The following THSD4 variants were observed in gnomAD, a reference collection of about 807,000 sequenced individuals.
The protein encoded by THSD4 is thrombospondin type 1 domain containing 4.
Under a neutral mutation model 119.0 loss-of-function variants are expected in THSD4, and 69 were observed. The observed-to-expected ratio is 0.58, with a 90% CI of 0.48 to 0.71. THSD4 has a LOEUF of 0.71. THSD4 is among the 30% of genes least tolerant of loss of function. The pLI, the probability that THSD4 is intolerant of heterozygous loss-of-function variation, is 0.00. For missense variants in THSD4, 1,393 were observed against 1,391.1 expected (o/e 1.00, Z -0.02); for synonymous variants, 524 against 540.4 (o/e 0.97, Z 0.42).
At chr15:71,339,689 A>G (rs1330113883) in intron 6 of THSD4, among the ~76,000 whole-genome samples, 8 of 152,160 alleles carry the variant, frequency 5.3e-5, no homozygotes. Flanking sequence ...TTGGAATAAT[A>G]AAAGTAACTA....
chr15:71,379,598 A>C (rs543437356), intron 6 of THSD4, among the ~76,000 whole-genome samples: 4 of 151,400 alleles, frequency 2.6e-5, no homozygotes, highest in African/African-American at 9.7e-5. Context: ...AGCTGGGACT[A>C]CAGGTGCCCA....
In THSD4 at chr15:71,694,487, G is replaced by A. The variant is rs989945893; in HGVS notation, c.1357+33753G>A. The stretch of plus-strand genomic sequence containing the variant: ...TTTCCTTCCAGTTGTGCAGCAAGTT[G>A]CCTGGCAATTTAACTTTTCATTTCT... On this transcript the variant is annotated intron_variant, in intron 8 of 17. Transcript: ENST00000261862. 2.7e-4 allele frequency among the ~76,000 whole-genome samples: 41 copies of A among 152,246 alleles called. 1 individual carries two copies. Among genetic ancestry groups the A allele is most frequent in the African/African-American group, 9.1e-4 (38 of 41,548 alleles).
chr15:71,755,264 G>A (rs1328378407), intron 14 of THSD4, among the ~76,000 whole-genome samples: 1 of 152,184 alleles, frequency 6.6e-6, no homozygotes, highest in Non-Finnish European at 1.5e-5. Context: ...TTCCCTAAGG[G>A]GTCAAGCCCA....
intron 6 of THSD4, among the ~76,000 whole-genome samples, chr15:71,372,771 C>A (rs953908123): frequency 2.6e-5 from 4 of 152,242 alleles, no homozygotes; most frequent in African/African-American, 9.6e-5. Flanking sequence ...ATCTCAAACT[C>A]CGTACTAGGA....
rs2053943209 is a variant in THSD4 at position 71,777,920 on chromosome 15, C to T, written c.*546C>T. On this transcript the variant is annotated 3_prime_UTR_variant, in exon 18 of 18. Coordinates refer to ENST00000261862, the MANE Select transcript of THSD4 (RefSeq NM_024817.3). Reference sequence around the variant, plus strand: ...TTTTCCTGCCCTATGACACAGATAGCTCACATGAATATTGTGCTTTATTTA... The same window carrying T: ...TTTTCCTGCCCTATGACACAGATAGTTCACATGAATATTGTGCTTTATTTA... The T allele has an allele frequency of 6.3e-6, 1 of 158,520 alleles. No individual in the cohort carries two copies. The highest frequency in any genetic ancestry group is 1.9e-4 in the South Asian group (1 of 5,340). The allele number at this position is 158,520 out of a possible 1,614,324, so 9.8% of individuals were successfully genotyped here. A position where few individuals can be genotyped will look rare whatever the true frequency, so the allele number is the denominator to read the frequency against.
chr15:71,163,843 T>C (rs1343127307), intron 3 of THSD4, among the ~76,000 whole-genome samples: 1 of 150,162 alleles, frequency 6.7e-6, no homozygotes, highest in Non-Finnish European at 1.5e-5. Context: ...AGTCTTGTAT[T>C]TTAAGCTCAC....
upstream of THSD4, chr15:71,111,373 C>A: frequency 6.2e-7 from 1 of 1,613,390 alleles, no homozygotes; most frequent in South Asian, 1.1e-5. Flanking sequence ...AGTAGAGAGT[C>A]AGCCCCAGGC....
At chr15:71,517,433 C>T (rs564920905) in intron 7 of THSD4, among the ~76,000 whole-genome samples, 10 of 152,342 alleles carry the variant, frequency 6.6e-5, no homozygotes, top group Admixed American at 4.6e-4. Flanking sequence ...AGTCCTTTCT[C>T]TCCCTTTCTG....
At chr15:71,238,072 G>T (rs981155772) in intron 4 of THSD4, among the ~76,000 whole-genome samples, 1 of 151,998 alleles carries the variant, frequency 6.6e-6, no homozygotes, top group Non-Finnish European at 1.5e-5. Context: ...GGGGCGGGGT[G>T]GGGGTGTTCC....
At chr15:71,733,325 C>T (rs890361349) in intron 10 of THSD4, 7 of 152,172 alleles carry the variant, frequency 4.6e-5, no homozygotes, top group Non-Finnish European at 8.8e-5. Context: ...GCTGTGCACC[C>T]TCAGGCGGGT....
intron 7 of THSD4, among the ~76,000 whole-genome samples, chr15:71,466,837 C>G (rs1480964175): frequency 6.6e-6 from 1 of 152,220 alleles, no homozygotes; most frequent in African/African-American, 2.4e-5. Flanking sequence ...CATGCCCCAT[C>G]CAGCCCCTTT....
In THSD4 at chr15:71,477,700, C is replaced by G. The variant is rs538102447; in HGVS notation, c.1152+65877C>G. 1.4e-4 allele frequency among the ~76,000 whole-genome samples: 22 copies of G among 152,250 alleles called. No homozygotes were observed. The East Asian group carries it at 4.0e-3, about 28-fold the overall frequency. On this transcript the variant is annotated intron_variant, in intron 7 of 17. Coordinates refer to ENST00000261862, the MANE Select transcript of THSD4 (RefSeq NM_024817.3). Reference sequence around the variant, plus strand: ...CCTCCACCTTCATGCTGACCATTCTCCAGTCTTCACCACCAGTGCAGCCCA... The same window carrying G: ...CCTCCACCTTCATGCTGACCATTCTGCAGTCTTCACCACCAGTGCAGCCCA...
chr15:71,594,891 TC>T (rs971700990), intron 7 of THSD4, among the ~76,000 whole-genome samples: 6 of 152,146 alleles, frequency 3.9e-5, no homozygotes, highest in African/African-American at 1.4e-4. Context: ...CAGCTGAGTC[TC>T]CTTTGGGAGG....
intron 6 of THSD4, among the ~76,000 whole-genome samples, chr15:71,352,591 T>G (rs560408796): frequency 6.6e-6 from 1 of 152,212 alleles, no homozygotes; most frequent in African/African-American, 2.4e-5. Context: ...TTGGCTGATA[T>G]AGTTGAGTTC....
chr15:71,531,963 C>T (rs1449055770), intron 7 of THSD4, among the ~76,000 whole-genome samples: 3 of 152,154 alleles, frequency 2.0e-5, no homozygotes, highest in African/African-American at 7.2e-5. Context: ...ACCCATAACC[C>T]CAGTCTTAAG....
At chr15:71,742,601 C>T (rs1160469305) in intron 11 of THSD4, among the ~76,000 whole-genome samples, 1 of 152,202 alleles carries the variant, frequency 6.6e-6, no homozygotes, top group Non-Finnish European at 1.5e-5. Flanking sequence ...TGAAGCCCAG[C>T]CAGTGCCTGA....
chr15:71,272,966 A>G (rs1338946081), intron 6 of THSD4, among the ~76,000 whole-genome samples: 1 of 152,234 alleles, frequency 6.6e-6, no homozygotes, highest in Non-Finnish European at 1.5e-5. Flanking sequence ...TAGAACAGCC[A>G]TTTTGGAAAA....
intron 7 of THSD4, among the ~76,000 whole-genome samples, chr15:71,412,250 T>C (rs1286781391): frequency 6.6e-6 from 1 of 152,186 alleles, no homozygotes; most frequent in African/African-American, 2.4e-5. Context: ...AGGGGCAGGC[T>C]TCCAAAGGAA....
intron 10 of THSD4, among the ~76,000 whole-genome samples, chr15:71,734,961 T>C (rs2053054024): frequency 6.6e-6 from 1 of 152,108 alleles, no homozygotes; most frequent in African/African-American, 2.4e-5. Context: ...TCATCTACAA[T>C]CTCAGATGTG....
Sources: allele counts gnomAD v4.1 joint callset (sites outside exome capture counted in the v4.1 genomes callset), GRCh38; gene constraint gnomAD v4.1.1; transcripts MANE v1.5; gene names NCBI Gene and HGNC (gene_info 2026-07-23, HGNC 2026-07-21).